The following ZC3H7A variants were observed in gnomAD, a reference collection of about 807,000 sequenced individuals.
ZC3H7A encodes zinc finger CCCH-type containing 7A, also known as zinc finger CCCH domain-containing protein 7A.
In ZC3H7A, 44 loss-of-function variants were observed where a neutral mutation model predicts 125.5. The observed-to-expected ratio is 0.35, with a 90% CI of 0.28 to 0.45. The LOEUF is 0.45. Ranked by LOEUF, ZC3H7A falls within the 20% of genes least tolerant of loss-of-function variation. The probability of loss-of-function intolerance (pLI) is 1.00; values close to 1 mark genes in which losing one functional copy is unlikely to be tolerated. For missense variants in ZC3H7A, 977 were observed against 1,170.7 expected (o/e 0.83, Z 2.41); for synonymous variants, 399 against 391.2 (o/e 1.02, Z -0.23).
At position 11,769,044 on chromosome 16, in the gene ZC3H7A, G is replaced by C; in HGVS notation, c.1160C>G (p.Ser387Cys). 1 of 1,608,510 alleles carries C rather than the reference G, an allele frequency of 6.2e-7. No individual in the cohort carries two copies. Among genetic ancestry groups the C allele is most frequent in the Non-Finnish European group, 8.5e-7 (1 of 1,178,110 alleles). The change falls in exon 11 of 23, where the codon TCT becomes TGT. Residue 387 changes from serine (S) to cysteine (C), a missense_variant. Transcript: ENST00000355758. ...REGTPLNNSNSSLLLMNGPGS... is the reference protein window; with the variant it reads ...REGTPLNNSNCSLLLMNGPGS... Reference sequence around the variant, plus strand: ...AGTGGCACTTACAAGTAAAAGGGAAGAATTACTGTTGTTAAGCGGTGTTCC... The same window carrying C: ...AGTGGCACTTACAAGTAAAAGGGAACAATTACTGTTGTTAAGCGGTGTTCC...
Position 11,751,275 on chromosome 16 carries a change from G to A in ZC3H7A, c.*42C>T. 6.4e-7 allele frequency: 1 copy of A among 1,550,812 alleles called. No individual in the cohort carries two copies. Among genetic ancestry groups the A allele is most frequent in the Middle Eastern group, 1.8e-4 (1 of 5,684 alleles). On this transcript the variant is annotated 3_prime_UTR_variant, in exon 23 of 23. Transcript: ENST00000355758. ...GCCTCAGAACACTTTCAATTTTTCT[G>A]GTCAATGCTCTGATTAGGTATCATA...
intron 1 of ZC3H7A, chr16:11,796,813 ATTT>A (rs937924402): frequency 1.3e-5 from 2 of 150,946 alleles, no homozygotes; most frequent in Non-Finnish European, 3.0e-5. Context: ...CAAAAAAAAA[ATTT>A]TTTTTTAGTG....
Position 11,768,401 on chromosome 16 carries a change from T to C in ZC3H7A, c.1274A>G (p.Lys425Arg). ...TCTTGGAGTCACTGATGAAGATGGT[T>C]TGGTAACTGCACTTCCAAAAAAGTT... is the stretch of plus-strand genomic sequence containing the variant. ...FGNFFGSAVT[K>R]PSSSVTPRHP... The change falls in exon 12 of 23, where the codon AAA becomes AGA. Residue 425 changes from lysine to arginine, a missense_variant. By Grantham distance (26) the Lys-to-Arg change is conservative. Transcript: ENST00000355758. 1 of 1,598,886 alleles carries C rather than the reference T, an allele frequency of 6.3e-7. No homozygotes were observed. The highest frequency in any genetic ancestry group is 2.2e-5 in the East Asian group (1 of 44,706).
At chr16:11,775,108 C>A in intron 7 of ZC3H7A, 95 bp from the exon 8 acceptor site, 2 of 1,373,644 alleles carry the variant, frequency 1.5e-6, no homozygotes, top group Non-Finnish European at 2.1e-6. Flanking sequence ...CACAGTGGCT[C>A]ACGCCTGTAA....
chr16:11,782,349 G>A lies in ZC3H7A; in HGVS notation c.6C>T (p.Ser2=). Residue 2 remains serine, a synonymous_variant, in exon 2 of 23, where the codon TCC becomes TCT. Coordinates refer to ENST00000355758, the MANE Select transcript of ZC3H7A (RefSeq NM_014153.4). M[S]NVSEERRKRQ... ...TTTTTCTTCTCTCCTCGGACACATT[G>A]GACATGTTATCCCACACATCCACTT... is the stretch of plus-strand genomic sequence containing the variant. 1 of 1,613,986 alleles carries A rather than the reference G, an allele frequency of 6.2e-7. No individual in the cohort carries two copies. The highest frequency in any genetic ancestry group is 8.5e-7 in the Non-Finnish European group (1 of 1,179,986).
At chr16:11,797,059 C>CGGGG (rs755431804) in intron 1 of ZC3H7A, 65 bp downstream of exon 1, 166 of 143,466 alleles carry the variant, frequency 1.2e-3, no homozygotes, top group Admixed American at 7.9e-3. Context: ...GCGGCGCGCG[C>CGGGG]GGGGGGGGCG....
intron 1 of ZC3H7A, among the ~76,000 whole-genome samples, chr16:11,783,548 A>G (rs1328023117): frequency 6.6e-6 from 1 of 152,074 alleles, no homozygotes; most frequent in Non-Finnish European, 1.5e-5. Context: ...CCCTCACCCC[A>G]ACCCCACTCA....
intron 4 of ZC3H7A, among the ~76,000 whole-genome samples, chr16:11,777,838 G>A (rs1250790191): frequency 6.6e-6 from 1 of 151,296 alleles, no homozygotes; most frequent in Non-Finnish European, 1.5e-5. Flanking sequence ...TGACCGACAT[G>A]GAGACACCCC....
intron 19 of ZC3H7A, among the ~76,000 whole-genome samples, chr16:11,760,137 A>AAAAAAAAAAG (rs1555493879): frequency 8.7e-5 from 12 of 137,634 alleles, no homozygotes; most frequent in South Asian, 2.2e-4. Context: ...AAAAAAAAAA[A>AAAAAAAAAAG]AAAAAAAAGA....
At chr16:11,759,148 T>C (rs1023750134) in intron 19 of ZC3H7A, 7 of 152,238 alleles carry the variant, frequency 4.6e-5, no homozygotes, top group African/African-American at 1.4e-4. Flanking sequence ...AATACAGTGA[T>C]ACTGGTAGGA....
At chr16:11,773,610 T>C (rs972727268) in intron 9 of ZC3H7A, among the ~76,000 whole-genome samples, 1 of 151,930 alleles carries the variant, frequency 6.6e-6, no homozygotes, top group East Asian at 1.9e-4. Context: ...AGGCCGGGCA[T>C]GGTAGCTCAC....
chr16:11,787,358 C>A (rs1043366450), intron 1 of ZC3H7A, among the ~76,000 whole-genome samples: 1 of 152,136 alleles, frequency 6.6e-6, no homozygotes, highest in African/African-American at 2.4e-5. Context: ...TTCCTTCATG[C>A]CCCTTCCCCA....
chr16:11,761,465 T>TA lies in ZC3H7A; in HGVS notation c.2259dup (p.Lys754Ter). ...AGAGGACGGATGTTCATCCACTTCT[T>TA]ACGTTCAATAGACATCACTCTCATC... On this transcript the variant is annotated frameshift_variant, in exon 19 of 23. Transcript: ENST00000355758. LOFTEE classifies it high-confidence loss of function. 1 of 1,614,150 alleles carries TA rather than the reference T, an allele frequency of 6.2e-7. No homozygotes were observed. The highest frequency in any genetic ancestry group is 8.5e-7 in the Non-Finnish European group (1 of 1,180,016).
Position 11,776,799 on chromosome 16 carries a change from G to A in ZC3H7A, c.417C>T (p.Tyr139=), listed in dbSNP as rs778140648. Reference sequence around the variant, plus strand: ...TTGCTACAGCATCGTAAGCCTTTTTGTATCTTCCTAAATCACTTAAAGCCT... The same window carrying A: ...TTGCTACAGCATCGTAAGCCTTTTTATATCTTCCTAAATCACTTAAAGCCT... ...KSKALSDLGR[Y]KKAYDAVAKC... Residue 139 remains tyrosine (Y), a synonymous_variant, in exon 5 of 23, where the codon TAC becomes TAT. Transcript: ENST00000355758. 3 of 1,612,938 alleles carry A rather than the reference G, an allele frequency of 1.9e-6. No individual in the cohort carries two copies. The South Asian group carries it at 3.3e-5, about 18-fold the overall frequency.
In ZC3H7A at chr16:11,770,903, G is replaced by A. The variant is rs369205347; in HGVS notation, c.988C>T (p.Pro330Ser). ...PFSASLLGTL[P>S]IGARYAPPPS... is the part of the protein sequence containing the mutation. ...GGAGGAGCATACCTCGCACCAATGG[G>A]TAAGGTTCCTAACAGCGATGCCGAA... Residue 330 changes from proline to serine, a missense_variant, in exon 10 of 23, where the codon CCC becomes TCC. By Grantham distance (74) the Pro-to-Ser change is moderately conservative. Coordinates refer to ENST00000355758, the MANE Select transcript of ZC3H7A (RefSeq NM_014153.4). 4 of 1,614,148 alleles carry A rather than the reference G, an allele frequency of 2.5e-6. No homozygotes were observed. Among genetic ancestry groups the A allele is most frequent in the Middle Eastern group, 3.3e-4 (2 of 6,062 alleles).
intron 3 of ZC3H7A, among the ~76,000 whole-genome samples, chr16:11,780,727 G>C (rs1313998735): frequency 6.6e-6 from 1 of 152,208 alleles, no homozygotes; most frequent in Admixed American, 6.5e-5. Flanking sequence ...AGGAGGGAGA[G>C]AGGCAGCAAG....
rs531060537 is a variant in ZC3H7A at position 11,778,902 on chromosome 16, C to T, written c.306+264G>A. ...TTAATTTTTTTATTTTTAGTAGAGACGGGGTTTCACCATATTGGCCAGGCT... is the reference window on the plus strand; with the variant it reads ...TTAATTTTTTTATTTTTAGTAGAGATGGGGTTTCACCATATTGGCCAGGCT... On this transcript the variant is annotated intron_variant, in intron 4 of 22. Coordinates refer to ENST00000355758, the MANE Select transcript of ZC3H7A (RefSeq NM_014153.4). Among the ~76,000 whole-genome samples the T allele has an allele frequency of 4.4e-3, 672 of 151,994 alleles. 4 individuals are homozygous for T. Among genetic ancestry groups the T allele is most frequent in the Non-Finnish European group, 6.4e-3 (434 of 67,954 alleles).
chr16:11,796,248 C>G (rs759150729), intron 1 of ZC3H7A: 5 of 152,174 alleles, frequency 3.3e-5, no homozygotes, highest in Non-Finnish European at 4.4e-5. Context: ...CTTTCTCATC[C>G]GAAGTTTTTA....
chr16:11,783,262 T>C (rs952962238), intron 1 of ZC3H7A, among the ~76,000 whole-genome samples: 12 of 151,644 alleles, frequency 7.9e-5, no homozygotes, highest in South Asian at 2.1e-4. Context: ...GTTACTTCCA[T>C]TGGAATTTTC....
Sources: gnomAD v4.1 joint callset for allele counts (sites outside exome capture counted in the v4.1 genomes callset) on GRCh38, gnomAD v4.1.1 for gene constraint, MANE v1.5 for transcripts, NCBI Gene and HGNC (gene_info 2026-07-23, HGNC 2026-07-21) for gene names.